The following SQSTM1 variants were observed in gnomAD, a reference collection of about 807,000 sequenced individuals.
SQSTM1 encodes the protein sequestosome 1.
Under a neutral mutation model 45.1 loss-of-function variants are expected in SQSTM1, and 36 were observed. The ratio of observed to expected loss-of-function variants is 0.80; its 90% confidence interval spans 0.61 to 1.05. The LOEUF (loss-of-function observed/expected upper bound fraction) is 1.05. Among genes scored for constraint, SQSTM1 ranks in the 50% least tolerant of loss-of-function variants. The pLI is 0.00. For synonymous variants in SQSTM1, 290 were observed against 244.3 expected (o/e 1.19, Z -1.74); for missense variants, 617 against 607.1 (o/e 1.02, Z -0.17).
chr5:179,825,076 A>G, intron 4 of SQSTM1, 70 bp from the exon 5 acceptor site: 3 of 1,507,862 alleles, frequency 2.0e-6, no homozygotes, highest in Non-Finnish European at 1.8e-6. Flanking sequence ...CTTGGCAAGA[A>G]GGTGACAGGA....
upstream of SQSTM1, among the ~76,000 whole-genome samples, chr5:179,815,383 C>T (rs181348210): frequency 6.6e-6 from 1 of 152,152 alleles, no homozygotes; most frequent in African/African-American, 2.4e-5. Context: ...AGCCACTGTA[C>T]CCCAGCCTGG....
Position 179,836,495 on chromosome 5 carries a change from G to A in SQSTM1, c.1225G>A (p.Glu409Lys), listed in dbSNP as rs1758562829. Residue 409 changes from glutamate to lysine, a missense_variant, in exon 8 of 8, where the codon GAA becomes AAA. Glu to Lys is a moderately conservative substitution (Grantham distance 56, BLOSUM62 1). Transcript: ENST00000389805. The stretch of plus-strand genomic sequence containing the variant: ...GATGCTGTCCATGGGCTTCTCTGAT[G>A]AAGGCGGCTGGCTCACCAGGCTCCT... ...SQMLSMGFSD[E>K]GGWLTRLLQT... The A allele has an allele frequency of 6.2e-7, 1 of 1,614,200 alleles. No homozygotes were observed. Among genetic ancestry groups the A allele is most frequent in the Non-Finnish European group, 8.5e-7 (1 of 1,180,030 alleles).
chr5:179,818,445 A>G (rs537354143), upstream of SQSTM1, among the ~76,000 whole-genome samples: 8 of 152,302 alleles, frequency 5.3e-5, no homozygotes, highest in Non-Finnish European at 8.8e-5. Context: ...CCACGCCCCA[A>G]AGAAAAGAAG....
At chr5:179,818,127 A>G (rs577317248), upstream of SQSTM1, among the ~76,000 whole-genome samples, 2 of 151,532 alleles carry the variant, frequency 1.3e-5, no homozygotes, top group African/African-American at 4.8e-5. Flanking sequence ...GGAAGTTGCC[A>G]TGTAGGGCAG....
intron 7 of SQSTM1, among the ~76,000 whole-genome samples, chr5:179,834,320 A>ACCTGCTGTGGGCCGC (rs1392868634): frequency 2.0e-5 from 3 of 151,560 alleles, no homozygotes; most frequent in Admixed American, 2.0e-4. Context: ...CGTGTGCACA[A>ACCTGCTGTGGGCCGC]CCTGCTGTGG....
intron 1 of SQSTM1, among the ~76,000 whole-genome samples, chr5:179,809,295 A>G (rs1279277818): frequency 3.3e-5 from 4 of 120,168 alleles, no homozygotes; most frequent in African/African-American, 1.3e-4. Context: ...AGTAGCTGGG[A>G]TTATAGGCGC....
intron 3 of SQSTM1, 34 bp from the exon 4 acceptor site, chr5:179,824,148 T>G (rs1562655326): frequency 6.2e-7 from 1 of 1,613,490 alleles, no homozygotes; most frequent in African/African-American, 1.3e-5. Flanking sequence ...CTTGACCCGC[T>G]CACTGCCTGC....
chr5:179,836,277 G>C, intron 7 of SQSTM1, 159 bp from the exon 8 acceptor site: 1 of 929,442 alleles, frequency 1.1e-6, no homozygotes, highest in South Asian at 1.4e-5. Flanking sequence ...GCCCTTTACA[G>C]GGAAAGCAGG....
chr5:179,812,657 T>G (rs555623278), intron 2 of SQSTM1: 13 of 152,278 alleles, frequency 8.5e-5, no homozygotes, highest in African/African-American at 3.1e-4. Flanking sequence ...CCAGTAGAGG[T>G]GCAGTGCAGC....
chr5:179,832,256 GCAC>G (rs1758263728), intron 5 of SQSTM1, among the ~76,000 whole-genome samples: 1 of 152,224 alleles, frequency 6.6e-6, no homozygotes, highest in African/African-American at 2.4e-5. Context: ...CAGGGAGTGT[GCAC>G]CACAGCCTTT....
chr5:179,824,382 C>CAGGG (rs1158355521), intron 4 of SQSTM1, 59 bp downstream of exon 4: 1 of 1,611,816 alleles, frequency 6.2e-7, no homozygotes, highest in Non-Finnish European at 8.5e-7. Context: ...AGCCTGTGTG[C>CAGGG]AGGGCCCTTG....
intron 5 of SQSTM1, among the ~76,000 whole-genome samples, chr5:179,830,136 AAAC>A (rs1416984118): frequency 2.5e-5 from 1 of 40,086 alleles, no homozygotes; most frequent in Non-Finnish European, 5.5e-5. Flanking sequence ...ACAAAACAAA[AAAC>A]AAAAATGCAA....
intron 5 of SQSTM1, among the ~76,000 whole-genome samples, chr5:179,825,886 G>T (rs947852480): frequency 1.3e-5 from 2 of 152,150 alleles, no homozygotes; most frequent in Admixed American, 6.5e-5. Flanking sequence ...GGTGCTGCAG[G>T]GTTAGGCATG....
In SQSTM1 at chr5:179,836,542, C is replaced by T. The variant is rs374985304; in HGVS notation, c.1272C>T (p.Ile424=). The change falls in exon 8 of 8, where the codon ATC becomes ATT. Residue 424 remains isoleucine (I), a synonymous_variant. Coordinates refer to ENST00000389805, the MANE Select transcript of SQSTM1 (RefSeq NM_003900.5). The stretch of plus-strand genomic sequence containing the variant: ...TCCTGCAGACCAAGAACTATGACAT[C>T]GGAGCGGCTCTGGACACCATCCAGT... ...TRLLQTKNYD[I]GAALDTIQYS... is the part of the protein sequence containing the mutation. 232 of 1,614,142 alleles carry T rather than the reference C, an allele frequency of 1.4e-4. No homozygotes were observed. The highest frequency in any genetic ancestry group is 2.0e-4 in the South Asian group (18 of 91,074).
At chr5:179,809,009 C>T (rs1015530192) in intron 1 of SQSTM1, among the ~76,000 whole-genome samples, 2 of 151,240 alleles carry the variant, frequency 1.3e-5, no homozygotes, top group Non-Finnish European at 2.9e-5. Context: ...AGGCACCCAC[C>T]ACCACGCTCG....
intron 5 of SQSTM1, among the ~76,000 whole-genome samples, chr5:179,828,275 C>T (rs58713160): frequency 0.011 from 1,721 of 151,670 alleles, 43 homozygotes; most frequent in African/African-American, 0.039. Flanking sequence ...ACAGGCGAGT[C>T]TCATTACCCA....
At chr5:179,811,398 AGGGGGAGGAGCTATGCAG>A (rs869150086) in intron 1 of SQSTM1, among the ~76,000 whole-genome samples, 5 of 12,908 alleles carry the variant, frequency 3.9e-4, no homozygotes, top group East Asian at 3.2e-3. Context: ...GGAGCTATGC[AGGGGGAGGAGCTATGCAG>A]GGGGGAGGAG....
At chr5:179,828,946 A>G (rs1476713546) in intron 5 of SQSTM1, among the ~76,000 whole-genome samples, 2 of 152,154 alleles carry the variant, frequency 1.3e-5, no homozygotes, top group African/African-American at 4.8e-5. Flanking sequence ...TCTCTGTGCC[A>G]GAACAGGGCA....
chr5:179,807,409 C>G (rs959723838), intron 1 of SQSTM1: 1 of 152,352 alleles, frequency 6.6e-6, no homozygotes, highest in Non-Finnish European at 1.5e-5. Context: ...CGCAGGGGCC[C>G]GGGAGGCGGG....
Sources: allele counts gnomAD v4.1 joint callset (sites outside exome capture counted in the v4.1 genomes callset), GRCh38; gene constraint gnomAD v4.1.1; transcripts MANE v1.5; gene names NCBI Gene and HGNC (gene_info 2026-07-23, HGNC 2026-07-21).